Variants in NAALADL2 observed in about 807,000 individuals in gnomAD.
NAALADL2 encodes inactive N-acetylated-alpha-linked acidic dipeptidase-like protein 2.
A neutral mutation model predicts 87.2 loss-of-function variants in NAALADL2; 76 were observed. The ratio of observed to expected loss-of-function variants is 0.87; its 90% CI spans 0.72 to 1.05. The LOEUF is 1.05. NAALADL2 is among the 50% of genes least tolerant of loss of function. The pLI, the probability that NAALADL2 is intolerant of heterozygous loss-of-function variation, is 0.00. For synonymous variants in NAALADL2, 354 were observed against 331.0 expected (o/e 1.07, Z -0.75); for missense variants, 1,089 against 945.8 (o/e 1.15, Z -1.99).
intron 2 of NAALADL2, among the ~76,000 whole-genome samples, chr3:175,229,633 G>A (rs542776869): frequency 6.6e-6 from 1 of 152,002 alleles, no homozygotes; most frequent in East Asian, 1.9e-4. Context: ...ATGATGGAAA[G>A]ATAATATAAT....
intron 4 of NAALADL2, among the ~76,000 whole-genome samples, chr3:175,321,150 G>C (rs1182703873): frequency 1.4e-5 from 2 of 147,748 alleles, no homozygotes; most frequent in African/African-American, 5.0e-5. Context: ...GATCAAGTGG[G>C]CTTCATCCCT....
chr3:174,772,624 T>C (rs1036415281), intron 3 of NAALADL2, among the ~76,000 whole-genome samples: 47 of 152,276 alleles, frequency 3.1e-4, no homozygotes, highest in African/African-American at 1.1e-3. Context: ...TAAAACATCA[T>C]AATAACTCTG....
intron 1 of NAALADL2, among the ~76,000 whole-genome samples, chr3:174,888,579 A>T (rs1274596296): frequency 6.6e-6 from 1 of 152,218 alleles, no homozygotes; most frequent in Admixed American, 6.5e-5. Context: ...CTTACGTTAG[A>T]ACGTGACCCT....
intron 1 of NAALADL2, among the ~76,000 whole-genome samples, chr3:174,920,510 C>A (rs959728497): frequency 6.6e-6 from 1 of 152,142 alleles, no homozygotes; most frequent in Non-Finnish European, 1.5e-5. Context: ...TTCATAGAAC[C>A]GAAGAGTTTT....
intron 1 of NAALADL2, among the ~76,000 whole-genome samples, chr3:174,891,041 A>G (rs1400157481): frequency 1.3e-5 from 2 of 152,148 alleles, no homozygotes; most frequent in Non-Finnish European, 2.9e-5. Context: ...GTAAATAGAA[A>G]CTAGAAATAT....
intron 2 of NAALADL2, among the ~76,000 whole-genome samples, chr3:174,717,323 A>T (rs1731280025): frequency 1.3e-5 from 2 of 152,146 alleles, no homozygotes; most frequent in South Asian, 4.1e-4. Flanking sequence ...GAAGGTTGAT[A>T]TTGGTTTTGA....
intron 4 of NAALADL2, among the ~76,000 whole-genome samples, chr3:175,311,967 GA>G (rs1560336623): frequency 6.6e-6 from 1 of 152,118 alleles, no homozygotes; most frequent in Non-Finnish European, 1.5e-5. Flanking sequence ...AGAATGATGT[GA>G]TTATGCCTTG....
At chr3:175,437,122 G>T (rs1349829171) in intron 5 of NAALADL2, among the ~76,000 whole-genome samples, 24 of 150,898 alleles carry the variant, frequency 1.6e-4, no homozygotes, top group Non-Finnish European at 4.4e-5. Context: ...TTTCCCCATT[G>T]CTTGTTTTTC....
intron 13 of NAALADL2, chr3:175,773,336 TTC>T (rs1262597014): frequency 1.3e-5 from 2 of 152,102 alleles, no homozygotes; most frequent in African/African-American, 4.8e-5. Context: ...TAGTTTAGTT[TTC>T]TGTTATTTCT....
rs372455835 is a variant in NAALADL2 at position 175,755,693 on chromosome 3, A to C, written c.2189+275A>C. Among the ~76,000 whole-genome samples the C allele has an allele frequency of 4.0e-5, 6 of 150,878 alleles. No homozygotes were observed. The East Asian group carries it at 5.8e-4, about 15-fold the overall frequency. The stretch of plus-strand genomic sequence containing the variant: ...TCAAATATGATATGGCCAATGAAAA[A>C]GCAAATGGAATTATAGGTTGCACTG... On this transcript the variant is annotated intron_variant, in intron 13 of 13. Transcript: ENST00000454872.
chr3:175,716,355 ATG>A (rs559160373), intron 11 of NAALADL2, among the ~76,000 whole-genome samples: 6 of 147,018 alleles, frequency 4.1e-5, no homozygotes, highest in Middle Eastern at 3.6e-3. Context: ...ATATATGTAT[ATG>A]TGTGTGTGTA....
intron 9 of NAALADL2, among the ~76,000 whole-genome samples, chr3:175,532,490 TTC>T (rs576977989): frequency 6.6e-6 from 1 of 152,188 alleles, no homozygotes; most frequent in Non-Finnish European, 1.5e-5. Context: ...GGGGCCGTGA[TTC>T]TCTGTTTTTA....
At chr3:174,487,117 T>G (rs560316288) in intron 1 of NAALADL2, among the ~76,000 whole-genome samples, 1 of 152,024 alleles carries the variant, frequency 6.6e-6, no homozygotes, top group South Asian at 2.1e-4. Flanking sequence ...TCTGGTAGCA[T>G]AGACAAAATC....
intron 5 of NAALADL2, among the ~76,000 whole-genome samples, chr3:175,439,731 C>CTTTTTTTTTTTTTTTTTTTTGTTTT (rs535237866): frequency 8.8e-6 from 1 of 113,786 alleles, no homozygotes; most frequent in African/African-American, 3.6e-5. Flanking sequence ...GTTTTTTTTT[C>CTTTTTTTTTTTTTTTTTTTTGTTTT]TTTTTTTTCT....
chr3:175,745,714 G>A (rs900721652), intron 12 of NAALADL2, among the ~76,000 whole-genome samples: 2 of 152,242 alleles, frequency 1.3e-5, no homozygotes, highest in African/African-American at 4.8e-5. Flanking sequence ...GTACTAGTTT[G>A]CAGGGGCAGA....
intron 11 of NAALADL2, among the ~76,000 whole-genome samples, chr3:175,686,008 C>T (rs1474844968): frequency 6.6e-6 from 1 of 152,210 alleles, no homozygotes; most frequent in African/African-American, 2.4e-5. Flanking sequence ...AATGTATAAA[C>T]AAATAATTGT....
chr3:175,749,379 T>A (rs1746347813), intron 12 of NAALADL2, among the ~76,000 whole-genome samples: 1 of 152,154 alleles, frequency 6.6e-6, no homozygotes, highest in Non-Finnish European at 1.5e-5. Flanking sequence ...TACCCAAAAC[T>A]GGGTAATTTA....
intron 5 of NAALADL2, among the ~76,000 whole-genome samples, chr3:175,432,090 G>T (rs1276610101): frequency 6.6e-6 from 1 of 151,948 alleles, no homozygotes; most frequent in Non-Finnish European, 1.5e-5. Flanking sequence ...GCTAAAAGAA[G>T]TAGACTCTGA....
chr3:175,516,258 A>G (rs1054739733), intron 9 of NAALADL2, among the ~76,000 whole-genome samples: 8 of 152,228 alleles, frequency 5.3e-5, no homozygotes, highest in African/African-American at 1.9e-4. Flanking sequence ...AGATAGCCCT[A>G]TTGTTTATCT....
Sources: gnomAD v4.1 joint callset for allele counts (sites outside exome capture counted in the v4.1 genomes callset) on GRCh38, gnomAD v4.1.1 for gene constraint, MANE v1.5 for transcripts, NCBI Gene and HGNC (gene_info 2026-07-23, HGNC 2026-07-21) for gene names.